The following ITPK1 variants were observed in gnomAD, a reference collection of about 807,000 sequenced individuals.
ITPK1 encodes the protein inositol-tetrakisphosphate 1-kinase.
A neutral mutation model predicts 45.3 loss-of-function variants in ITPK1; 21 were observed. The ratio of observed to expected loss-of-function variants is 0.46; its 90% CI spans 0.33 to 0.67. The LOEUF is 0.67. Among genes scored for constraint, ITPK1 ranks in the 30% least tolerant of loss-of-function variants. The pLI, the probability that ITPK1 is intolerant of heterozygous loss-of-function variation, is 0.02. For missense variants in ITPK1, 474 were observed against 573.5 expected, an observed-to-expected ratio of 0.83 and a Z score of 1.77; for synonymous variants, 258 against 253.6, an observed-to-expected ratio of 1.02 and a Z score of -0.16.
rs994597126 is a variant in ITPK1 at position 92,941,506 on chromosome 14, G to A, written c.*55C>T. ...GTAGCATCGCCGTTGGGAGCTGCTG[G>A]CCCAGCGGGTGTGCTCTGCGCCCTG... On this transcript the variant is annotated 3_prime_UTR_variant, in exon 11 of 11. Coordinates refer to ENST00000267615, the MANE Select transcript of ITPK1 (RefSeq NM_014216.6). The A allele has an allele frequency of 4.8e-6, 7 of 1,459,744 alleles. No individual in the cohort carries two copies. The highest frequency in any genetic ancestry group is 6.3e-6 in the Non-Finnish European group (7 of 1,113,024). The allele number at this position is 1,459,744 out of a possible 1,614,324, so 90.4% of individuals were successfully genotyped here. A position where few individuals can be genotyped will look rare whatever the true frequency, so the allele number is the denominator to read the frequency against.
At chr14:93,052,051 C>T (rs1890036891) in intron 3 of ITPK1, among the ~76,000 whole-genome samples, 1 of 152,166 alleles carries the variant, frequency 6.6e-6, no homozygotes, top group African/African-American at 2.4e-5. Context: ...GGAGGGGCCA[C>T]GTGGTGGAAG....
chr14:93,078,175 T>C (rs532473129), intron 2 of ITPK1, among the ~76,000 whole-genome samples: 1 of 152,234 alleles, frequency 6.6e-6, no homozygotes, highest in African/African-American at 2.4e-5. Flanking sequence ...ACCTCCACAG[T>C]CTGGGCCCTT....
chr14:93,109,111 T>C (rs1892640087), intron 2 of ITPK1, among the ~76,000 whole-genome samples: 2 of 152,190 alleles, frequency 1.3e-5, no homozygotes, highest in Non-Finnish European at 2.9e-5. Context: ...GGACGGGGTA[T>C]TGTCATGCTG....
intron 5 of ITPK1, among the ~76,000 whole-genome samples, chr14:92,970,444 G>A (rs1234639636): frequency 6.6e-6 from 1 of 152,202 alleles, no homozygotes; most frequent in African/African-American, 2.4e-5. Context: ...GCCCCTGCAC[G>A]TGGGAGACCC....
At chr14:92,994,123 G>A (rs1307825776) in intron 4 of ITPK1, 126 bp from the exon 5 acceptor site, 2 of 658,888 alleles carry the variant, frequency 3.0e-6, no homozygotes, top group Non-Finnish European at 5.6e-6. Context: ...GTGGAGGGTG[G>A]TGCATTCCAG....
At position 93,036,683 on chromosome 14, in the gene ITPK1, G is replaced by T. The variant is rs1368203915; in HGVS notation, c.121-19882C>A. Among the ~76,000 whole-genome samples the T allele has an allele frequency of 6.6e-6, 1 of 152,096 alleles. No homozygotes were observed. Among genetic ancestry groups the T allele is most frequent in the Admixed American group, 6.5e-5 (1 of 15,282 alleles). On this transcript the variant is annotated intron_variant, in intron 3 of 10. Transcript: ENST00000267615. The surrounding 1 kb of genome is among the most constrained non-coding windows in gnomAD (Gnocchi z 4.1). The stretch of plus-strand genomic sequence containing the variant: ...CAGGAACACTGCCCCTATTCTCTGG[G>T]CTCTGGGATCGTTACCAACAACCCG...
intron 2 of ITPK1, among the ~76,000 whole-genome samples, chr14:93,079,484 C>T (rs541707986): frequency 6.6e-6 from 1 of 152,326 alleles, no homozygotes; most frequent in South Asian, 2.1e-4. Flanking sequence ...CCCACACCCA[C>T]GTGTTCACCA....
chr14:93,099,788 A>G (rs955512517), intron 2 of ITPK1, among the ~76,000 whole-genome samples: 9 of 151,916 alleles, frequency 5.9e-5, no homozygotes, highest in African/African-American at 1.9e-4. Context: ...TGGAACCCCA[A>G]GCAGAGGTGC....
intron 2 of ITPK1, among the ~76,000 whole-genome samples, chr14:93,099,895 G>A (rs936962061): frequency 1.3e-5 from 2 of 152,216 alleles, no homozygotes; most frequent in African/African-American, 4.8e-5. Flanking sequence ...GACTCTGTGT[G>A]CGAACCCTCA....
intron 2 of ITPK1, among the ~76,000 whole-genome samples, chr14:93,086,839 G>A (rs1248265518): frequency 2.0e-5 from 3 of 152,226 alleles, no homozygotes; most frequent in Non-Finnish European, 4.4e-5. Flanking sequence ...GCATGAGTCA[G>A]CCCTGACCCC....
intron 3 of ITPK1, among the ~76,000 whole-genome samples, chr14:93,052,550 G>T (rs1457657791): frequency 2.6e-5 from 4 of 152,182 alleles, no homozygotes. Context: ...CCTTCTGTGA[G>T]GGCCAAAGGA....
rs1887192565 is a variant in ITPK1, at chr14:92,937,863, C to T, written c.*3698G>A. Reference sequence around the variant, plus strand: ...TCGTGCTCCTTTAGGGCAGCCAGCACCCAGCTCAAGGTCTCTGAATCCAAT... The same window carrying T: ...TCGTGCTCCTTTAGGGCAGCCAGCATCCAGCTCAAGGTCTCTGAATCCAAT... On this transcript the variant is annotated 3_prime_UTR_variant, in exon 11 of 11. Coordinates refer to ENST00000267615, the MANE Select transcript of ITPK1 (RefSeq NM_014216.6). 6.5e-6 allele frequency: 1 copy of T among 153,348 alleles called. No individual in the cohort carries two copies. Among genetic ancestry groups the T allele is most frequent in the Non-Finnish European group, 1.5e-5 (1 of 68,902 alleles). The allele number at this position is 153,348 out of a possible 1,614,324, so 9.5% of individuals were successfully genotyped here.
chr14:93,007,892 C>T (rs774515723), intron 4 of ITPK1, among the ~76,000 whole-genome samples: 8 of 152,200 alleles, frequency 5.3e-5, no homozygotes, highest in Non-Finnish European at 7.3e-5. Flanking sequence ...GAAAATGGCA[C>T]GTTGTCTGTG....
chr14:93,016,920 C>A lies in ITPK1; in HGVS notation c.121-119G>T, dbSNP rs1461583336. ...GACCCTCGAGCCTCCCTGTAGCACTCTGGAGATGGGGCAGGAGGAGGGCTG... is the reference window on the plus strand; with the variant it reads ...GACCCTCGAGCCTCCCTGTAGCACTATGGAGATGGGGCAGGAGGAGGGCTG... On this transcript the variant is annotated intron_variant, in intron 3 of 10. Transcript: ENST00000267615. The surrounding 1 kb of genome is among the most constrained non-coding windows in gnomAD (Gnocchi z 5.0). The A allele has an allele frequency of 1.3e-5, 17 of 1,337,858 alleles. No homozygotes were observed. The East Asian group carries it at 4.0e-4, about 31-fold the overall frequency. 82.9% of individuals were successfully genotyped at this position (1,337,858 alleles called of 1,614,324 possible). A position where few individuals can be genotyped will look rare whatever the true frequency, so the allele number is the denominator to read the frequency against.
At chr14:92,996,142 G>A (rs1887045178) in intron 4 of ITPK1, among the ~76,000 whole-genome samples, 1 of 152,210 alleles carries the variant, frequency 6.6e-6, no homozygotes, top group African/African-American at 2.4e-5. Flanking sequence ...AGCTCCTTGG[G>A]AGGCTGAGGT....
chr14:93,090,613 A>G (rs1260869273), intron 2 of ITPK1, among the ~76,000 whole-genome samples: 1 of 152,134 alleles, frequency 6.6e-6, no homozygotes, highest in African/African-American at 2.4e-5. Flanking sequence ...GGGGTGGGCA[A>G]CGGGGGCTTT....
intron 5 of ITPK1, 105 bp from the exon 6 acceptor site, chr14:92,962,954 C>T (rs2139743762): frequency 3.0e-6 from 2 of 676,166 alleles, no homozygotes; most frequent in Non-Finnish European, 5.1e-6. Context: ...TGCCCCCACG[C>T]TCCTGGATCT....
At chr14:93,062,721 G>A (rs55901898) in intron 3 of ITPK1, among the ~76,000 whole-genome samples, 36,553 of 152,014 alleles carry the variant, frequency 0.24, 4,889 homozygotes, top group Admixed American at 0.35. Context: ...ATTTGAAGTC[G>A]TAAAGCAGGT....
At chr14:93,007,890 C>T (rs1887701235) in intron 4 of ITPK1, among the ~76,000 whole-genome samples, 1 of 152,228 alleles carries the variant, frequency 6.6e-6, no homozygotes, top group East Asian at 1.9e-4. Flanking sequence ...TAGAAAATGG[C>T]ACGTTGTCTG....
Sources: gnomAD v4.1 joint callset for allele counts (sites outside exome capture counted in the v4.1 genomes callset) on GRCh38, gnomAD v4.1.1 for gene constraint, Gnocchi (gnomAD v3.1) non-coding constraint, MANE v1.5 for transcripts, NCBI Gene and HGNC (gene_info 2026-07-23, HGNC 2026-07-21) for gene names.